Variants in USP50 observed in about 807,000 individuals in gnomAD.
USP50 encodes ubiquitin specific peptidase 50, also known as ubiquitin carboxyl-terminal hydrolase 50.
Under a neutral mutation model 39.2 loss-of-function variants are expected in USP50, and 37 were observed. The ratio of observed to expected loss-of-function variants is 0.94; its 90% CI spans 0.73 to 1.24. USP50 has a LOEUF of 1.24. Ranked by LOEUF, USP50 falls within the 50% of genes most tolerant of loss-of-function variation. The pLI is 0.00. For synonymous variants in USP50, 139 were observed against 144.5 expected (o/e 0.96, Z 0.27); for missense variants, 374 against 398.2 (o/e 0.94, Z 0.52).
chr15:50,535,815 G>A (rs1448491834), intron 5 of USP50, among the ~76,000 whole-genome samples: 2 of 152,038 alleles, frequency 1.3e-5, no homozygotes, highest in Middle Eastern at 3.2e-3. Flanking sequence ...GGTATGCAAA[G>A]CTGGTCCTAC....
intron 6 of USP50, chr15:50,505,062 T>C (rs921381107): frequency 1.3e-5 from 2 of 152,036 alleles, no homozygotes; most frequent in African/African-American, 4.8e-5. Flanking sequence ...GAATACGTGT[T>C]AAGAGGCATG....
At chr15:50,499,706 AT>A (rs2052543606), downstream of USP50, 1 of 152,228 alleles carries the variant, frequency 6.6e-6, no homozygotes, top group Non-Finnish European at 1.5e-5. Flanking sequence ...AAAAAAAAAA[AT>A]GGAAACTTTA....
At chr15:50,530,603 A>G (rs148172654) in intron 5 of USP50, among the ~76,000 whole-genome samples, 1 of 152,190 alleles carries the variant, frequency 6.6e-6, no homozygotes, top group Non-Finnish European at 1.5e-5. Flanking sequence ...AAATAAAAAA[A>G]AAAAGTAATT....
chr15:50,515,339 T>G (rs1384531072), intron 6 of USP50, among the ~76,000 whole-genome samples: 1 of 152,108 alleles, frequency 6.6e-6, no homozygotes, highest in Non-Finnish European at 1.5e-5. Flanking sequence ...CCTCCCGGGT[T>G]CACGCCATTC....
chr15:50,504,815 TAAAAA>T (rs1039827718), intron 6 of USP50: 9 of 111,764 alleles, frequency 8.1e-5, no homozygotes, highest in Non-Finnish European at 1.7e-4. Context: ...CTGTCTCTAT[TAAAAA>T]AAACAAAAAA....
chr15:50,525,945 T>C (rs1261799509), intron 6 of USP50, among the ~76,000 whole-genome samples: 2 of 151,866 alleles, frequency 1.3e-5, no homozygotes, highest in Non-Finnish European at 2.9e-5. Context: ...ATGCAAACAT[T>C]TGTGGAAAAG....
At chr15:50,542,481 A>ATTTTTTTTTTTTTTTTTTTTTCTTTTTCT (rs2053037797) in intron 3 of USP50, among the ~76,000 whole-genome samples, 2 of 97,390 alleles carry the variant, frequency 2.1e-5, no homozygotes, top group African/African-American at 4.0e-5. Flanking sequence ...TTTCCTTTTC[A>ATTTTTTTTTTTTTTTTTTTTTCTTTTTCT]TTTTTTTTTT....
chr15:50,496,728 T>C (rs2052428145), downstream of USP50, among the ~76,000 whole-genome samples: 1 of 152,156 alleles, frequency 6.6e-6, no homozygotes, highest in African/African-American at 2.4e-5. Flanking sequence ...GGATATCAAA[T>C]AAATATCCTG....
chr15:50,546,209 G>C (rs940057424), intron 1 of USP50, among the ~76,000 whole-genome samples: 1 of 152,104 alleles, frequency 6.6e-6, no homozygotes, highest in African/African-American at 2.4e-5. Flanking sequence ...AGTTATGCCA[G>C]TTTGAAAAGT....
At chr15:50,509,270 T>A (rs2052707485) in intron 6 of USP50, 1 of 150,624 alleles carries the variant, frequency 6.6e-6, no homozygotes, top group African/African-American at 2.5e-5. Flanking sequence ...TGAGCCAAGA[T>A]CACACCACTG....
chr15:50,524,747 G>A (rs1451082737), intron 6 of USP50, among the ~76,000 whole-genome samples: 9 of 152,196 alleles, frequency 5.9e-5, no homozygotes, highest in Non-Finnish European at 1.2e-4. Context: ...GGTAACACAT[G>A]CCTGTAGTCT....
At chr15:50,525,508 GTA>G (rs945743312) in intron 6 of USP50, among the ~76,000 whole-genome samples, 42 of 129,532 alleles carry the variant, frequency 3.2e-4, no homozygotes, top group Non-Finnish European at 4.3e-4. Context: ...GTATGTGTGT[GTA>G]TATATATGTA....
intron 6 of USP50, chr15:50,509,656 A>C (rs560062961): frequency 2.6e-5 from 4 of 152,264 alleles, no homozygotes; most frequent in Admixed American, 2.6e-4. Context: ...TCAAAAAATA[A>C]AATAAAATAA....
downstream of USP50, chr15:50,496,130 C>T: frequency 2.8e-6 from 4 of 1,430,288 alleles, no homozygotes; most frequent in Non-Finnish European, 3.9e-6. Flanking sequence ...GATAAAAATG[C>T]TGTTTTTATG....
intron 6 of USP50, among the ~76,000 whole-genome samples, chr15:50,515,715 TTGA>T (rs2052797524): frequency 6.6e-6 from 1 of 151,718 alleles, no homozygotes; most frequent in African/African-American, 2.4e-5. Flanking sequence ...AATAAATCAG[TTGA>T]TGTAATTTAC....
At chr15:50,540,162 C>T (rs8037764) in intron 4 of USP50, among the ~76,000 whole-genome samples, 1,535 of 152,208 alleles carry the variant, frequency 0.01, 37 homozygotes, top group African/African-American at 0.036. Flanking sequence ...TATTGCTGTC[C>T]GCCCCTTGTT....
chr15:50,532,861 T>A (rs1220222221), intron 5 of USP50, among the ~76,000 whole-genome samples: 4 of 152,212 alleles, frequency 2.6e-5, no homozygotes, highest in Admixed American at 6.5e-5. Context: ...TTTCTTTTCT[T>A]TTCTTTTAAC....
At chr15:50,499,347 GC>G, downstream of USP50, 1 of 303,426 alleles carries the variant, frequency 3.3e-6, no homozygotes, top group Non-Finnish European at 6.0e-6. Flanking sequence ...TAATTAACTA[GC>G]TAAGCATTAT....
At chr15:50,532,797 G>T (rs2052951080) in intron 5 of USP50, among the ~76,000 whole-genome samples, 1 of 152,172 alleles carries the variant, frequency 6.6e-6, no homozygotes, top group Non-Finnish European at 1.5e-5. Flanking sequence ...TCCTAAGAAT[G>T]AACGAATGAA....
Sources: allele counts gnomAD v4.1 joint callset (sites outside exome capture counted in the v4.1 genomes callset), GRCh38; gene constraint gnomAD v4.1.1; transcripts MANE v1.5; gene names NCBI Gene and HGNC (gene_info 2026-07-23, HGNC 2026-07-21).